The following GALNT13 variants were observed in gnomAD, a reference collection of about 807,000 sequenced individuals.
GALNT13 encodes the protein polypeptide N-acetylgalactosaminyltransferase 13.
Under a neutral mutation model 64.2 loss-of-function variants are expected in GALNT13, and 28 were observed. That is an observed-to-expected ratio of 0.44 (90% CI 0.32 to 0.60). The LOEUF (loss-of-function observed/expected upper bound fraction) is 0.60. Among genes scored for constraint, GALNT13 ranks in the 20% least tolerant of loss-of-function variants. The pLI is 0.05. For missense variants in GALNT13, 577 were observed against 669.8 expected (o/e 0.86, Z 1.53); for synonymous variants, 214 against 224.6 (o/e 0.95, Z 0.42).
chr2:153,472,923 C>G, the GALNT13 span, among the ~76,000 whole-genome samples: 1 of 151,990 alleles, frequency 6.6e-6, no homozygotes, highest in East Asian at 1.9e-4. Context: ...TCTCAGCAAA[C>G]TAACACAGGA....
chr2:154,125,867 C>A lies in GALNT13; in HGVS notation c.143-14470C>A, dbSNP rs1287243941. Among the ~76,000 whole-genome samples, 4 of 152,036 alleles carry A rather than the reference C, an allele frequency of 2.6e-5. No individual in the cohort carries two copies. In the South Asian group the frequency reaches 6.2e-4, roughly 24 times the overall value. ...CCCCACTCATAGCTTGCTTTAAAGT[C>A]CCAGGAAAAAATCTTTTTATAAGAG... On this transcript the variant is annotated intron_variant, in intron 3 of 12. Transcript: ENST00000392825.
At chr2:153,454,757 T>G in the GALNT13 span, among the ~76,000 whole-genome samples, 182 of 152,348 alleles carry the variant, frequency 1.2e-3, no homozygotes, top group African/African-American at 4.2e-3. Context: ...GAATGAAAAG[T>G]ATGTCAAGAC....
intron 3 of GALNT13, among the ~76,000 whole-genome samples, chr2:154,082,239 A>C (rs1701306341): frequency 6.6e-6 from 1 of 151,676 alleles, no homozygotes; most frequent in Non-Finnish European, 1.5e-5. Context: ...GTCAGAAAAC[A>C]AAGATACAAT....
At chr2:154,310,152 TC>T (rs1006575932) in intron 9 of GALNT13, among the ~76,000 whole-genome samples, 20 of 152,152 alleles carry the variant, frequency 1.3e-4, no homozygotes, top group African/African-American at 4.6e-4. Context: ...TTGATGTAAT[TC>T]CCCCCAGGGA....
chr2:154,066,942 A>C (rs1476685686), intron 3 of GALNT13, among the ~76,000 whole-genome samples: 3 of 152,136 alleles, frequency 2.0e-5, no homozygotes, highest in East Asian at 1.9e-4. Context: ...AGACATAGCC[A>C]GTATAATAAG....
chr2:153,698,946 T>G, the GALNT13 span, among the ~76,000 whole-genome samples: 1 of 152,082 alleles, frequency 6.6e-6, no homozygotes, highest in African/African-American at 2.4e-5. Flanking sequence ...CTCAAGGGGC[T>G]GGGCATGGTG....
chr2:153,509,980 T>C, the GALNT13 span, among the ~76,000 whole-genome samples: 1 of 152,234 alleles, frequency 6.6e-6, no homozygotes, highest in Non-Finnish European at 1.5e-5. Flanking sequence ...CACTGCACTA[T>C]GTTGTTTGAT....
chr2:153,073,022 T>C, the GALNT13 span, among the ~76,000 whole-genome samples: 1 of 152,220 alleles, frequency 6.6e-6, no homozygotes, highest in African/African-American at 2.4e-5. Context: ...GTCTAGCACT[T>C]ATATTCGAGG....
chr2:154,007,197 C>A (rs1438348480), intron 3 of GALNT13, among the ~76,000 whole-genome samples: 1 of 152,204 alleles, frequency 6.6e-6, no homozygotes, highest in African/African-American at 2.4e-5. Context: ...CTGTGAGTGG[C>A]CTTTAGACTT....
chr2:153,083,910 T>C, the GALNT13 span, among the ~76,000 whole-genome samples: 2 of 152,246 alleles, frequency 1.3e-5, no homozygotes, highest in Non-Finnish European at 2.9e-5. Flanking sequence ...AGTTGGTTTT[T>C]GCATAAGGTG....
At chr2:153,466,953 GAAATTTATAATAAGTGCTC>G in the GALNT13 span, among the ~76,000 whole-genome samples, 1 of 151,878 alleles carries the variant, frequency 6.6e-6, no homozygotes, top group Non-Finnish European at 1.5e-5. Flanking sequence ...CAGAATAGGG[GAAATTTATAATAAGTGCTC>G]AATAAAAAAA....
the GALNT13 span, among the ~76,000 whole-genome samples, chr2:153,568,417 T>C: frequency 2.6e-5 from 4 of 152,264 alleles, no homozygotes; most frequent in Middle Eastern, 3.4e-3. Context: ...AACTTAAATA[T>C]TTCATCAGTT....
At chr2:153,742,958 C>T in the GALNT13 span, among the ~76,000 whole-genome samples, 29 of 103,212 alleles carry the variant, frequency 2.8e-4, no homozygotes, top group East Asian at 5.9e-3. Flanking sequence ...GTGAGAGGAG[C>T]GGAGGGGAGG....
chr2:154,287,123 C>T (rs2105951852), intron 8 of GALNT13: 1 of 1,242,934 alleles, frequency 8.0e-7, no homozygotes, highest in East Asian at 2.3e-5. Flanking sequence ...GTCCTTGACA[C>T]ATCTGACCTT....
the GALNT13 span, among the ~76,000 whole-genome samples, chr2:153,083,389 T>C: frequency 6.6e-6 from 1 of 152,218 alleles, no homozygotes; most frequent in Non-Finnish European, 1.5e-5. Context: ...TCCCCACATC[T>C]ACCCCAACAT....
At chr2:154,359,474 A>T (rs748701747) in intron 9 of GALNT13, among the ~76,000 whole-genome samples, 2 of 152,076 alleles carry the variant, frequency 1.3e-5, no homozygotes, top group African/African-American at 2.4e-5. Flanking sequence ...CCATTCACCT[A>T]CTGGAGGCTT....
intron 3 of GALNT13, among the ~76,000 whole-genome samples, chr2:154,080,447 G>T (rs1701215882): frequency 6.6e-6 from 1 of 151,584 alleles, no homozygotes; most frequent in African/African-American, 2.4e-5. Context: ...AACTTGAAAT[G>T]CACGAGGGCA....
chr2:154,027,270 C>T (rs922026181), intron 3 of GALNT13, among the ~76,000 whole-genome samples: 3 of 152,142 alleles, frequency 2.0e-5, no homozygotes, highest in Non-Finnish European at 4.4e-5. Context: ...CCTTGTTTAT[C>T]ACTGTTCTGT....
intron 3 of GALNT13, among the ~76,000 whole-genome samples, chr2:154,078,244 C>A (rs908863224): frequency 6.6e-6 from 1 of 151,480 alleles, no homozygotes; most frequent in African/African-American, 2.4e-5. Flanking sequence ...CCACACATTA[C>A]TTTTCTATGT....
Sources: gnomAD v4.1 joint callset for allele counts (sites outside exome capture counted in the v4.1 genomes callset) on GRCh38, gnomAD v4.1.1 for gene constraint, MANE v1.5 for transcripts, NCBI Gene and HGNC (gene_info 2026-07-23, HGNC 2026-07-21) for gene names.